RAB14: variants seen among roughly 807,000 people sequenced by gnomAD.
The protein encoded by RAB14 is RAB14, member RAS oncogene family, also known as ras-related protein Rab-14.
Under a neutral mutation model 31.1 loss-of-function variants are expected in RAB14, and 3 were observed. The ratio of observed to expected loss-of-function variants is 0.10; its 90% confidence interval spans 0.04 to 0.25. The LOEUF is 0.25. RAB14 is among the 10% of genes least tolerant of loss of function. The pLI is 1.00. For missense variants in RAB14, 111 were observed against 260.1 expected (o/e 0.43, Z 3.94); for synonymous variants, 85 against 84.9 (o/e 1.00, Z 0.00).
intron 3 of RAB14, among the ~76,000 whole-genome samples, chr9:121,191,923 T>C (rs2053689145): frequency 6.6e-6 from 1 of 152,166 alleles, no homozygotes; most frequent in Non-Finnish European, 1.5e-5. Context: ...CATTATTTTA[T>C]GTATTTTTAA....
At chr9:121,185,536 T>C (rs1296313589) in intron 5 of RAB14, among the ~76,000 whole-genome samples, 2 of 152,152 alleles carry the variant, frequency 1.3e-5, no homozygotes, top group Non-Finnish European at 2.9e-5. Context: ...TGTGCTGCCC[T>C]CTATGTCATC....
chr9:121,201,824 A>C lies in RAB14; in HGVS notation c.-193T>G, dbSNP rs1488243091. Reference sequence around the variant, plus strand: ...AGCGGCAGTAGCAGTGGCAGCGGTGACTGCTCCTGTGCTCCCTCAGTATCT... The same window carrying C: ...AGCGGCAGTAGCAGTGGCAGCGGTGCCTGCTCCTGTGCTCCCTCAGTATCT... On this transcript the variant is annotated 5_prime_UTR_variant, in exon 1 of 8. Transcript: ENST00000373840. The C allele has an allele frequency of 6.6e-6, 1 of 152,336 alleles. No individual in the cohort carries two copies. The highest frequency in any genetic ancestry group is 6.5e-5 in the Admixed American group (1 of 15,286). 9.4% of individuals were successfully genotyped at this position (152,336 alleles called of 1,614,324 possible).
intron 1 of RAB14, among the ~76,000 whole-genome samples, chr9:121,194,180 G>C (rs187637515): frequency 6.6e-6 from 1 of 151,322 alleles, no homozygotes; most frequent in Admixed American, 6.6e-5. Context: ...GGCCTTAAGC[G>C]TCCCTCCCAT....
intron 1 of RAB14, among the ~76,000 whole-genome samples, chr9:121,195,020 G>A (rs62578446): frequency 0.069 from 10,523 of 152,044 alleles, 509 homozygotes; most frequent in Non-Finnish European, 0.1. Flanking sequence ...TCAGGAAAGG[G>A]AGTTTTTCTA....
rs74361838 is a variant in RAB14, at chr9:121,187,940, C to T, written c.285-921G>A. Among the ~76,000 whole-genome samples, 1,101 of 151,984 alleles carry T rather than the reference C, an allele frequency of 7.2e-3. 9 individuals are homozygous for T. Among genetic ancestry groups the T allele is most frequent in the East Asian group, 0.031 (160 of 5,178 alleles). On this transcript the variant is annotated intron_variant, in intron 4 of 7. Coordinates refer to ENST00000373840, the MANE Select transcript of RAB14 (RefSeq NM_016322.4). ...AGGCCTAGAACTCTTTTACAAATAC[C>T]ACATGTCCTTTAAGTGTTTCTAGTT...
Position 121,178,209 on chromosome 9 carries a change from G to C in RAB14, c.*3187C>G, listed in dbSNP as rs2053607489. 1 of 152,092 alleles carries C rather than the reference G, an allele frequency of 6.6e-6. No individual in the cohort carries two copies. Among genetic ancestry groups the C allele is most frequent in the African/African-American group, 2.4e-5 (1 of 41,370 alleles). The allele number at this position is 152,092 out of a possible 1,614,324, so 9.4% of individuals were successfully genotyped here. A position where few individuals can be genotyped will look rare whatever the true frequency, so the allele number is the denominator to read the frequency against. ...ACCGTTAAGATACGGGATCAATGGA[G>C]TTACAATAAAGACAATGAAAGTGAC... On this transcript the variant is annotated 3_prime_UTR_variant, in exon 8 of 8. Coordinates refer to ENST00000373840, the MANE Select transcript of RAB14 (RefSeq NM_016322.4).
At chr9:121,186,177 C>T (rs1172671602) in intron 5 of RAB14, among the ~76,000 whole-genome samples, 2 of 152,120 alleles carry the variant, frequency 1.3e-5, no homozygotes, top group African/African-American at 4.8e-5. Flanking sequence ...TCTACTGAAA[C>T]TTCACTCACC....
chr9:121,180,379 AC>A lies in RAB14; in HGVS notation c.*1016del, dbSNP rs2053626406. 1 of 152,696 alleles carries A rather than the reference AC, an allele frequency of 6.5e-6. No individual in the cohort carries two copies. The highest frequency in any genetic ancestry group is 2.1e-4 in the South Asian group (1 of 4,832). 9.5% of individuals were successfully genotyped at this position (152,696 alleles called of 1,614,324 possible). A position where few individuals can be genotyped will look rare whatever the true frequency, so the allele number is the denominator to read the frequency against. On this transcript the variant is annotated 3_prime_UTR_variant, in exon 8 of 8. Coordinates refer to ENST00000373840, the MANE Select transcript of RAB14 (RefSeq NM_016322.4). ...TGCAGCCTGTAATGCAAAAACGTTTACAAAAAGAGAAAAGCAGGTTAGCACA... is the reference window on the plus strand; with the variant it reads ...TGCAGCCTGTAATGCAAAAACGTTTAAAAAAGAGAAAAGCAGGTTAGCACA...
At chr9:121,184,088 G>A (rs2053647438) in intron 5 of RAB14, among the ~76,000 whole-genome samples, 1 of 152,160 alleles carries the variant, frequency 6.6e-6, no homozygotes, top group Non-Finnish European at 1.5e-5. Context: ...GTGAGTCAGT[G>A]GTAGGAGGAC....
At chr9:121,193,499 G>A (rs1564321358) in intron 1 of RAB14, 80 bp from the exon 2 acceptor site, 4 of 897,682 alleles carry the variant, frequency 4.5e-6, no homozygotes, top group Non-Finnish European at 5.2e-6. Context: ...ATCCTTTAAA[G>A]GTAGAAAAGG....
At chr9:121,199,112 A>G (rs1486710065) in intron 1 of RAB14, among the ~76,000 whole-genome samples, 3 of 152,138 alleles carry the variant, frequency 2.0e-5, no homozygotes, top group Admixed American at 1.3e-4. Context: ...GAAAGCACTT[A>G]ACAACCAAAA....
chr9:121,181,557 C>T lies in RAB14; in HGVS notation c.487G>A (p.Asp163Asn). Residue 163 changes from aspartate to asparagine, a missense_variant, in exon 8 of 8, where the codon GAT becomes AAT. Asp to Asn is a conservative substitution (Grantham distance 23, BLOSUM62 1). Transcript: ENST00000373840. ...ASAKTGENVE[D>N]AFLEAAKKIY... ...TTCTTGGCAGCCTCAAGGAAGGCAT[C>T]TTCTACATTCTCTCCCCTAAGAGGC... 1 of 1,610,918 alleles carries T rather than the reference C, an allele frequency of 6.2e-7. No individual in the cohort carries two copies. The highest frequency in any genetic ancestry group is 8.5e-7 in the Non-Finnish European group (1 of 1,177,506).
At chr9:121,186,411 C>G (rs1018321450) in intron 5 of RAB14, among the ~76,000 whole-genome samples, 3 of 152,164 alleles carry the variant, frequency 2.0e-5, no homozygotes, top group Non-Finnish European at 4.4e-5. Flanking sequence ...ACTGCAGAGT[C>G]TAGCATGGTG....
chr9:121,200,977 T>G (rs1420196179), intron 1 of RAB14, among the ~76,000 whole-genome samples: 1 of 152,168 alleles, frequency 6.6e-6, no homozygotes, highest in Non-Finnish European at 1.5e-5. Flanking sequence ...CTCTGTAGGT[T>G]CAGGGCCGTA....
chr9:121,194,546 TAA>T (rs1415986851), intron 1 of RAB14, among the ~76,000 whole-genome samples: 2 of 152,178 alleles, frequency 1.3e-5, no homozygotes, highest in Admixed American at 6.5e-5. Context: ...TAACTTTCAA[TAA>T]AGTTTATTCT....
rs745620095 is a variant in RAB14 at position 121,190,746 on chromosome 9, A to G, written c.107-15T>C. 6 of 1,610,236 alleles carry G rather than the reference A, an allele frequency of 3.7e-6. No individual in the cohort carries two copies. Among genetic ancestry groups the G allele is most frequent in the Admixed American group, 1.7e-5 (1 of 59,488 alleles). ...ATCAGCCATAACTGTTAAGGAGGAAAAAAAGTAATAGCCCAATTTTCAGAA... is the reference window on the plus strand; with the variant it reads ...ATCAGCCATAACTGTTAAGGAGGAAGAAAAGTAATAGCCCAATTTTCAGAA... On this transcript the variant is annotated splice_polypyrimidine_tract_variant and intron_variant, in intron 3 of 7. Coordinates refer to ENST00000373840, the MANE Select transcript of RAB14 (RefSeq NM_016322.4).
intron 4 of RAB14, among the ~76,000 whole-genome samples, chr9:121,190,067 A>G (rs545974112): frequency 1.3e-5 from 2 of 151,698 alleles, no homozygotes; most frequent in South Asian, 4.2e-4. Flanking sequence ...ATTTTAAGAG[A>G]AAAAAAAATT....
intron 1 of RAB14, among the ~76,000 whole-genome samples, chr9:121,200,647 G>C (rs974747782): frequency 1.4e-4 from 21 of 152,170 alleles, no homozygotes; most frequent in Admixed American, 1.1e-3. Flanking sequence ...GAATAAAGTT[G>C]TAACTACATT....
intron 3 of RAB14, 65 bp from the exon 4 acceptor site, chr9:121,190,796 GA>G: frequency 6.7e-7 from 1 of 1,492,180 alleles, no homozygotes; most frequent in Non-Finnish European, 9.2e-7. Flanking sequence ...CCTAGAGGGG[GA>G]AAATCCACTA....
Sources: allele counts gnomAD v4.1 joint callset (sites outside exome capture counted in the v4.1 genomes callset), GRCh38; gene constraint gnomAD v4.1.1; transcripts MANE v1.5; gene names NCBI Gene and HGNC (gene_info 2026-07-23, HGNC 2026-07-21).